SELPLG: variants seen among roughly 807,000 people sequenced by gnomAD.
The protein encoded by SELPLG is selectin P ligand, also known as P-selectin glycoprotein ligand 1.
In SELPLG, 2 loss-of-function variants were observed where a neutral mutation model predicts 1.1. The ratio of observed to expected loss-of-function variants is 1.82; its 90% confidence interval spans 0.74 to 5.71. The LOEUF is 5.71. Ranked by LOEUF, SELPLG falls within the 30% of genes most tolerant of loss-of-function variation. The pLI is 0.05. For synonymous variants in SELPLG, 230 were observed against 221.2 expected (o/e 1.04, Z -0.35); for missense variants, 478 against 524.7 (o/e 0.91, Z 0.87).
chr12:108,632,345 G>C (rs1328588560), intron 1 of SELPLG, among the ~76,000 whole-genome samples: 1 of 151,494 alleles, frequency 6.6e-6, no homozygotes, highest in Non-Finnish European at 1.5e-5. Flanking sequence ...GAGGAAAGAG[G>C]AAGAGAATTC....
intron 1 of SELPLG, among the ~76,000 whole-genome samples, chr12:108,627,475 G>A (rs2031956499): frequency 6.6e-6 from 1 of 152,238 alleles, no homozygotes; most frequent in Non-Finnish European, 1.5e-5. Context: ...TAGATGTGGG[G>A]TCAGACAAAA....
intron 1 of SELPLG, among the ~76,000 whole-genome samples, chr12:108,632,555 C>T (rs946831059): frequency 6.6e-6 from 1 of 151,818 alleles, no homozygotes; most frequent in Non-Finnish European, 1.5e-5. Flanking sequence ...CACTCTGCCA[C>T]CCGGGTTGGA....
chr12:108,628,058 G>A (rs531246993), intron 1 of SELPLG, among the ~76,000 whole-genome samples: 1 of 152,160 alleles, frequency 6.6e-6, no homozygotes. Context: ...CCCAGCCTGG[G>A]TGACAAAGCA....
intron 1 of SELPLG, among the ~76,000 whole-genome samples, chr12:108,629,866 T>G (rs542107317): frequency 9.3e-4 from 142 of 152,290 alleles, no homozygotes; most frequent in African/African-American, 3.4e-3. Flanking sequence ...CTACAGTAAA[T>G]GTATTATACA....
Position 108,624,034 on chromosome 12 carries a change from C to T in SELPLG, c.274G>A (p.Gly92Ser), listed in dbSNP as rs773310588. The change falls in exon 2 of 2, where the codon GGC (glycine) becomes AGC (serine). Residue 92 changes from glycine (G) to serine (S), a missense_variant. By Grantham distance (56) the Gly-to-Ser change is moderately conservative. Transcript: ENST00000550948. ...TVEPAARRST[G>S]LDAGGAVTEL... ...GTGACTGCCCCTCCTGCATCCAGGC[C>T]AGTAGAACGCCTTGCAGCAGGCTCC... 11 of 1,614,232 alleles carry T rather than the reference C, an allele frequency of 6.8e-6. No individual in the cohort carries two copies. Among genetic ancestry groups the T allele is most frequent in the Non-Finnish European group, 9.3e-6 (11 of 1,180,040 alleles).
At chr12:108,628,772 C>T (rs2031990978) in intron 1 of SELPLG, 1 of 152,262 alleles carries the variant, frequency 6.6e-6, no homozygotes, top group Non-Finnish European at 1.5e-5. Context: ...TGTTGCCCAC[C>T]CTTCCCCTAC....
Position 108,621,914 on chromosome 12 carries a change from G to C in SELPLG, c.*1155C>G, listed in dbSNP as rs1441500412. Reference sequence around the variant, plus strand: ...GTCCCATTTTTTTTTTTCTTTAACAGGAGGATAGATTGATGTTTAGAGGGA... The same window carrying C: ...GTCCCATTTTTTTTTTTCTTTAACACGAGGATAGATTGATGTTTAGAGGGA... On this transcript the variant is annotated 3_prime_UTR_variant, in exon 2 of 2. Coordinates refer to ENST00000550948, the MANE Select transcript of SELPLG (RefSeq NM_003006.4). Among the ~76,000 whole-genome samples the C allele has an allele frequency of 2.6e-5, 4 of 152,132 alleles. No individual in the cohort carries two copies. Among genetic ancestry groups the C allele is most frequent in the Non-Finnish European group, 4.4e-5 (3 of 67,990 alleles).
At chr12:108,632,163 C>T (rs1278680352) in intron 1 of SELPLG, 1 of 530,422 alleles carries the variant, frequency 1.9e-6, no homozygotes, top group Admixed American at 3.3e-5. Context: ...ACTCCCCTGG[C>T]TGCTGGCCAA....
At position 108,622,526 on chromosome 12, in the gene SELPLG, A is replaced by G. The variant is rs1187485597; in HGVS notation, c.*543T>C. On this transcript the variant is annotated 3_prime_UTR_variant, in exon 2 of 2. Coordinates refer to ENST00000550948, the MANE Select transcript of SELPLG (RefSeq NM_003006.4). ...GGGTTTTCCCAGAGAGGTGCCCAAG[A>G]AGACCCAAGCTGCCCCAAGTCAGAG... 6.5e-6 allele frequency: 1 copy of G among 152,716 alleles called. No individual in the cohort carries two copies. Among genetic ancestry groups the G allele is most frequent in the Non-Finnish European group, 1.5e-5 (1 of 68,448 alleles). The allele number at this position is 152,716 out of a possible 1,614,324, so 9.5% of individuals were successfully genotyped here.
In SELPLG at chr12:108,624,313, C is replaced by T. The variant is rs746122580; in HGVS notation, c.-5-1G>A. ...AGGAGGAGTTGCAGAGGCATGGCAC[C>T]TAGGAGGAGACAATGGGCGGAGGGA... On this transcript the variant is annotated splice_acceptor_variant, in intron 1 of 1. Transcript: ENST00000550948. LOFTEE classifies it low-confidence loss of function (5UTR_SPLICE). 2.5e-6 allele frequency: 4 copies of T among 1,612,192 alleles called. No homozygotes were observed. The highest frequency in any genetic ancestry group is 3.4e-6 in the Non-Finnish European group (4 of 1,178,832).
chr12:108,632,072 G>T (rs1404805655), intron 1 of SELPLG: 2 of 689,910 alleles, frequency 2.9e-6, no homozygotes, highest in Admixed American at 5.3e-5. Flanking sequence ...AAGGTTCTCG[G>T]ATGATTGATT....
intron 1 of SELPLG, chr12:108,631,942 C>T (rs1186575340): frequency 1.3e-6 from 2 of 1,535,548 alleles, no homozygotes; most frequent in South Asian, 2.4e-5. Context: ...AGACACAGGC[C>T]TAGGGTCACC....
At position 108,623,610 on chromosome 12, in the gene SELPLG, G is replaced by T. The variant is rs750202720; in HGVS notation, c.698C>A (p.Thr233Asn). ...TTQTTAMEAQ[T>N]TAPEATEAQT... ...TGCCTCCGTGGCTTCTGGTGCAGTG[G>T]TCTGTGCCTCCATGGCTGTGGTTTG... is the stretch of plus-strand genomic sequence containing the variant. The change falls in exon 2 of 2, where the codon ACC becomes AAC. Residue 233 changes from threonine (T) to asparagine (N), a missense_variant. Transcript: ENST00000550948. The T allele has an allele frequency of 4.3e-6, 7 of 1,612,240 alleles. No individual in the cohort carries two copies. Among genetic ancestry groups the T allele is most frequent in the South Asian group, 1.1e-5 (1 of 90,854 alleles).
Position 108,622,786 on chromosome 12 carries a change from G to GGA in SELPLG, c.*281_*282dup, listed in dbSNP as rs2031844978. Reference sequence around the variant, plus strand: ...CAGAGAAGATGGGGGACAGGAAAAAGGAGAGAATCTGTCTCAAGTAAATGG... The same window carrying GGA: ...CAGAGAAGATGGGGGACAGGAAAAAGGAGAGAGAATCTGTCTCAAGTAAATGG... On this transcript the variant is annotated 3_prime_UTR_variant, in exon 2 of 2. Coordinates refer to ENST00000550948, the MANE Select transcript of SELPLG (RefSeq NM_003006.4). 2.4e-6 allele frequency: 1 copy of GGA among 412,478 alleles called. No homozygotes were observed. Among genetic ancestry groups the GGA allele is most frequent in the Non-Finnish European group, 4.3e-6 (1 of 231,520 alleles). The allele number at this position is 412,478 out of a possible 1,614,324, so 25.6% of individuals were successfully genotyped here.
At chr12:108,626,072 G>C (rs2031930488) in intron 1 of SELPLG, among the ~76,000 whole-genome samples, 1 of 151,530 alleles carries the variant, frequency 6.6e-6, no homozygotes, top group African/African-American at 2.4e-5. Context: ...TCACCTTCCA[G>C]CCAGGTTCAA....
At chr12:108,633,007 A>C (rs967240054) in intron 1 of SELPLG, among the ~76,000 whole-genome samples, 1 of 151,730 alleles carries the variant, frequency 6.6e-6, no homozygotes, top group African/African-American at 2.4e-5. Context: ...GAAATCCTGC[A>C]CTCCCCCTAC....
Position 108,623,195 on chromosome 12 carries a change from A to G in SELPLG, c.1113T>C (p.Asp371=), listed in dbSNP as rs759606248. 1.9e-6 allele frequency: 3 copies of G among 1,613,298 alleles called. No individual in the cohort carries two copies. Among genetic ancestry groups the G allele is most frequent in the Non-Finnish European group, 2.5e-6 (3 of 1,179,876 alleles). The change falls in exon 2 of 2, where the codon GAT becomes GAC. Residue 371 remains aspartate (D), a synonymous_variant. Transcript: ENST00000550948. The part of the protein sequence containing the change: ...EMVCISSLLP[D]GGEGPSATAN... ...CTGTGGCAGAGGGCCCCTCACCCCC[A>G]TCAGGCAACAGGGATGAGATGCAGA...
chr12:108,623,907 G>A lies in SELPLG; in HGVS notation c.401C>T (p.Thr134Ile). The change falls in exon 2 of 2, where the codon ACT becomes ATT. Residue 134 changes from threonine to isoleucine, a missense_variant. Thr to Ile is a moderately conservative substitution (Grantham distance 89, BLOSUM62 -1). Coordinates refer to ENST00000550948, the MANE Select transcript of SELPLG (RefSeq NM_003006.4). ...CTGTGCCTCCGTGGGCACTGGTTGA[G>A]TGGTCTGTGCCTCCGTGGCTGCTGG... ...TQPAATEAQT[T>I]QPVPTEAQTT... The A allele has an allele frequency of 1.2e-6, 2 of 1,604,470 alleles. No individual in the cohort carries two copies. The highest frequency in any genetic ancestry group is 1.7e-6 in the Non-Finnish European group (2 of 1,174,538).
rs143152680 is a variant in SELPLG, at chr12:108,629,602, G to A, written c.-6+4138C>T. On this transcript the variant is annotated intron_variant, in intron 1 of 1. Transcript: ENST00000550948. ...GTGATGCCTGTAGTCCCAGCTACTCGGGAGGCTGAGGCCAGAGGATGGCTT... is the reference window on the plus strand; with the variant it reads ...GTGATGCCTGTAGTCCCAGCTACTCAGGAGGCTGAGGCCAGAGGATGGCTT... 4.0e-3 allele frequency among the ~76,000 whole-genome samples: 602 copies of A among 152,294 alleles called. 2 individuals carry two copies. The highest frequency in any genetic ancestry group is 0.013 in the African/African-American group (523 of 41,568).
Sources: gnomAD v4.1 joint callset for allele counts (sites outside exome capture counted in the v4.1 genomes callset) on GRCh38, gnomAD v4.1.1 for gene constraint, MANE v1.5 for transcripts, NCBI Gene and HGNC (gene_info 2026-07-23, HGNC 2026-07-21) for gene names.